MEIS2: variants seen among roughly 807,000 people sequenced by gnomAD.
The protein encoded by MEIS2 is homeobox protein Meis2.
A neutral mutation model predicts 58.6 loss-of-function variants in MEIS2; 9 were observed. That is an observed-to-expected ratio of 0.15 (90% CI 0.09 to 0.27). The LOEUF (loss-of-function observed/expected upper bound fraction) is 0.27. Among genes scored for constraint, MEIS2 ranks in the 10% least tolerant of loss-of-function variants. MEIS2 has a pLI of 1.00. For synonymous variants in MEIS2, 221 were observed against 228.4 expected (o/e 0.97, Z 0.29); for missense variants, 427 against 635.0 (o/e 0.67, Z 3.52).
At chr15:37,081,469 G>A (rs563686658) in intron 7 of MEIS2, among the ~76,000 whole-genome samples, 1 of 152,136 alleles carries the variant, frequency 6.6e-6, no homozygotes, top group East Asian at 1.9e-4. Flanking sequence ...TGGACAATTC[G>A]GTGGGACAAA....
At chr15:37,063,152 C>T (rs1889454192) in intron 7 of MEIS2, among the ~76,000 whole-genome samples, 1 of 152,164 alleles carries the variant, frequency 6.6e-6, no homozygotes. Context: ...AATGAGGGAA[C>T]ATCTCTAGCC....
chr15:37,013,734 A>G (rs1456520403), intron 8 of MEIS2, among the ~76,000 whole-genome samples: 1 of 151,968 alleles, frequency 6.6e-6, no homozygotes, highest in Non-Finnish European at 1.5e-5. Flanking sequence ...TTCTGGGTTA[A>G]GCAAAATAGA....
At chr15:37,096,552 C>G in intron 2 of MEIS2, 122 bp from the exon 3 acceptor site, 3 of 1,215,646 alleles carry the variant, frequency 2.5e-6, no homozygotes, top group Non-Finnish European at 3.4e-6. Flanking sequence ...CAGGCACGCA[C>G]CACACTTTAC....
intron 9 of MEIS2, among the ~76,000 whole-genome samples, chr15:36,926,474 C>T (rs2057754223): frequency 6.6e-6 from 1 of 152,184 alleles, no homozygotes; most frequent in Non-Finnish European, 1.5e-5. Context: ...TAAAATACGT[C>T]TGCATTAAAG....
intron 8 of MEIS2, among the ~76,000 whole-genome samples, chr15:37,035,980 C>T (rs1367231853): frequency 6.6e-6 from 1 of 152,146 alleles, no homozygotes; most frequent in Non-Finnish European, 1.5e-5. Flanking sequence ...CAAGAAGCAA[C>T]CTCTGAAATT....
At chr15:37,069,212 G>T (rs1008838859) in intron 7 of MEIS2, among the ~76,000 whole-genome samples, 1 of 152,230 alleles carries the variant, frequency 6.6e-6, no homozygotes, top group African/African-American at 2.4e-5. Context: ...GTGCATGTGT[G>T]TAGAAACATC....
Position 36,892,215 on chromosome 15 carries a change from A to G in MEIS2, c.1392T>C (p.Asp464=). The G allele has an allele frequency of 6.2e-7, 1 of 1,614,152 alleles. No individual in the cohort carries two copies. The highest frequency in any genetic ancestry group is 8.5e-7 in the Non-Finnish European group (1 of 1,180,042). The part of the protein sequence containing the change: ...AQSPTMLNSV[D]PNVGGQVMDI... Reference sequence around the variant, plus strand: ...CCATAACCTGTCCGCCAACATTGGGATCTACAGAATTTAACATTGTGGGGC... The same window carrying G: ...CCATAACCTGTCCGCCAACATTGGGGTCTACAGAATTTAACATTGTGGGGC... The change falls in exon 12 of 12, where the codon GAT becomes GAC. Residue 464 remains aspartate (D), a synonymous_variant. Coordinates refer to ENST00000561208, the MANE Select transcript of MEIS2 (RefSeq NM_170675.5).
At chr15:37,008,658 A>T (rs1009377263) in intron 8 of MEIS2, among the ~76,000 whole-genome samples, 23 of 152,232 alleles carry the variant, frequency 1.5e-4, no homozygotes, top group African/African-American at 5.5e-4. Context: ...TTTAACTGCT[A>T]AAAGGTAAAA....
At chr15:37,033,604 C>T (rs2062022235) in intron 8 of MEIS2, among the ~76,000 whole-genome samples, 1 of 152,270 alleles carries the variant, frequency 6.6e-6, no homozygotes, top group South Asian at 2.1e-4. Flanking sequence ...AAGAAATTTA[C>T]ATGAAATAAT....
chr15:37,097,839 A>G (rs1894478175), intron 2 of MEIS2, 128 bp downstream of exon 2: 1 of 1,373,802 alleles, frequency 7.3e-7, no homozygotes, highest in Non-Finnish European at 9.6e-7. Context: ...TTCCTAAGGC[A>G]AGCGGCGCCC....
At chr15:36,972,203 G>A (rs1160682739) in intron 8 of MEIS2, among the ~76,000 whole-genome samples, 1 of 152,152 alleles carries the variant, frequency 6.6e-6, no homozygotes, top group Non-Finnish European at 1.5e-5. Flanking sequence ...ACAAAAGTAA[G>A]TTATGATAAG....
chr15:36,974,203 A>G (rs1278634262), intron 8 of MEIS2, among the ~76,000 whole-genome samples: 1 of 152,204 alleles, frequency 6.6e-6, no homozygotes, highest in Non-Finnish European at 1.5e-5. Context: ...TTGAATCTAT[A>G]ATTTTGTGTT....
Position 36,971,537 on chromosome 15 carries a change from T to TAAAAAAAAAAAAAAAA in MEIS2, c.901-21153_901-21138dup, listed in dbSNP as rs71126247. Among the ~76,000 whole-genome samples, 61 of 67,094 alleles carry TAAAAAAAAAAAAAAAA rather than the reference T, an allele frequency of 9.1e-4. 7 individuals are homozygous for TAAAAAAAAAAAAAAAA. Among genetic ancestry groups the TAAAAAAAAAAAAAAAA allele is most frequent in the African/African-American group, 1.2e-3 (17 of 14,170 alleles). 44.0% of individuals were successfully genotyped at this position (67,094 alleles called of 152,430 possible). A position where few individuals can be genotyped will look rare whatever the true frequency, so the allele number is the denominator to read the frequency against. On this transcript the variant is annotated intron_variant, in intron 8 of 11. Transcript: ENST00000561208. ...GTATTACTTGTATGCCTTGTTACAT[T>TAAAAAAAAAAAAAAAA]AAAAAAAAAAAAAAAAAAAAAAAAA...
At chr15:37,052,486 C>T (rs2062964453) in intron 7 of MEIS2, among the ~76,000 whole-genome samples, 1 of 152,182 alleles carries the variant, frequency 6.6e-6, no homozygotes, top group Non-Finnish European at 1.5e-5. Context: ...CTACTCACCA[C>T]ACAGACTCTA....
intron 8 of MEIS2, among the ~76,000 whole-genome samples, chr15:36,983,572 T>C (rs527342645): frequency 6.6e-6 from 1 of 152,134 alleles, no homozygotes; most frequent in Admixed American, 6.6e-5. Context: ...TTTAAAACAG[T>C]CAATATGGTG....
chr15:37,094,719 T>C lies in MEIS2; in HGVS notation c.439-142A>G. ...CAGGTGGCCAGGAAAAACTTAAACA[T>C]CAAGAAATAGTCAGAAAAATCAAGT... is the stretch of plus-strand genomic sequence containing the variant. On this transcript the variant is annotated intron_variant, in intron 4 of 11. Transcript: ENST00000561208. The C allele has an allele frequency of 1.1e-5, 7 of 634,320 alleles. No individual in the cohort carries two copies. In the South Asian group the frequency reaches 1.4e-4, roughly 13 times the overall value. 39.3% of individuals were successfully genotyped at this position (634,320 alleles called of 1,614,324 possible). A position where few individuals can be genotyped will look rare whatever the true frequency, so the allele number is the denominator to read the frequency against.
intron 8 of MEIS2, among the ~76,000 whole-genome samples, chr15:36,976,995 G>A (rs988794965): frequency 2.0e-4 from 31 of 152,174 alleles, no homozygotes; most frequent in South Asian, 1.5e-3. Context: ...GCATGGTGGC[G>A]CATGCCTCTA....
intron 10 of MEIS2, 145 bp from the exon 11 acceptor site, chr15:36,895,406 C>T: frequency 1.5e-6 from 1 of 651,750 alleles, no homozygotes; most frequent in Non-Finnish European, 2.6e-6. Flanking sequence ...GTCTGAGTGT[C>T]TTGATGACTG....
chr15:36,922,466 C>CT (rs57005162), intron 9 of MEIS2, among the ~76,000 whole-genome samples: 12,664 of 145,692 alleles, frequency 0.087, 979 homozygotes, highest in African/African-American at 0.21. Flanking sequence ...TACTAAGATC[C>CT]TTTTTTTTTT....
Sources: allele counts gnomAD v4.1 joint callset (sites outside exome capture counted in the v4.1 genomes callset), GRCh38; gene constraint gnomAD v4.1.1; transcripts MANE v1.5; gene names NCBI Gene and HGNC (gene_info 2026-07-23, HGNC 2026-07-21).